LRRFIP1: variants seen among roughly 807,000 people sequenced by gnomAD.
LRRFIP1 encodes the protein LRR binding FLII interacting protein 1.
Under a neutral mutation model 104.4 loss-of-function variants are expected in LRRFIP1, and 62 were observed. The observed-to-expected ratio is 0.59, with a 90% confidence interval of 0.48 to 0.73. The LOEUF is 0.73. LRRFIP1 is among the 30% of genes least tolerant of loss of function. LRRFIP1 has a pLI of 0.00. For synonymous variants in LRRFIP1, 300 were observed against 299.0 expected, an observed-to-expected ratio of 1.00 and a Z score of -0.03; for missense variants, 796 against 824.5, an observed-to-expected ratio of 0.97 and a Z score of 0.42.
chr2:237,660,164 G>A (rs2087611788), intron 1 of LRRFIP1, among the ~76,000 whole-genome samples: 1 of 152,118 alleles, frequency 6.6e-6, no homozygotes, highest in South Asian at 2.1e-4. Context: ...TTATTAAGAA[G>A]GCCAATGATA....
Position 237,727,951 on chromosome 2 carries a change from T to G in LRRFIP1, c.444+16T>G. 1 of 1,584,116 alleles carries G rather than the reference T, an allele frequency of 6.3e-7. No individual in the cohort carries two copies. The highest frequency in any genetic ancestry group is 8.6e-7 in the Non-Finnish European group (1 of 1,163,454). ...ATCTGGCAGGGTTAGTATAGTAAAT[T>G]TGCATGGCTCAAAATTCAAATAGGT... On this transcript the variant is annotated intron_variant, in intron 8 of 23. Coordinates refer to ENST00000308482, the MANE Select transcript of LRRFIP1 (RefSeq NM_001137550.2).
chr2:237,732,305 T>C (rs1229480617), intron 8 of LRRFIP1, among the ~76,000 whole-genome samples: 1 of 152,228 alleles, frequency 6.6e-6, no homozygotes, highest in Non-Finnish European at 1.5e-5. Flanking sequence ...CTCTCTCCTC[T>C]CTGCTGCCCA....
rs138821445 is a variant in LRRFIP1, at chr2:237,689,214, A to G, written c.97-19330A>G. Among the ~76,000 whole-genome samples the G allele has an allele frequency of 7.3e-4, 111 of 152,326 alleles. 2 individuals are homozygous for G. The East Asian group carries it at 0.02, about 27-fold the overall frequency. On this transcript the variant is annotated intron_variant, in intron 1 of 23. Transcript: ENST00000308482. ...ACTGCAATTACTTTTGCACCATCCTAATAAAACTGGGAGGCAACTGTGGAT... is the reference window on the plus strand; with the variant it reads ...ACTGCAATTACTTTTGCACCATCCTGATAAAACTGGGAGGCAACTGTGGAT...
At chr2:237,701,905 G>A (rs1017649679) in intron 1 of LRRFIP1, among the ~76,000 whole-genome samples, 25 of 152,208 alleles carry the variant, frequency 1.6e-4, no homozygotes, top group African/African-American at 6.0e-4. Flanking sequence ...CTCCCGAGAT[G>A]TCACGCATGG....
At chr2:237,738,781 C>T (rs1186272065) in intron 10 of LRRFIP1, among the ~76,000 whole-genome samples, 1 of 152,232 alleles carries the variant, frequency 6.6e-6, no homozygotes, top group Non-Finnish European at 1.5e-5. Flanking sequence ...CCCTAACTCT[C>T]ATTTTGCTTC....
At chr2:237,676,171 G>C (rs886590694) in intron 1 of LRRFIP1, among the ~76,000 whole-genome samples, 6 of 152,158 alleles carry the variant, frequency 3.9e-5, no homozygotes, top group African/African-American at 1.2e-4. Flanking sequence ...GCTTTCCCCA[G>C]CCCTTGGCAA....
At chr2:237,749,075 C>T (rs1445183636) in intron 12 of LRRFIP1, 124 bp from the exon 13 acceptor site, 2 of 967,108 alleles carry the variant, frequency 2.1e-6, no homozygotes, top group African/African-American at 1.7e-5. Context: ...CCCCGTGATC[C>T]AGTCTCCTCC....
chr2:237,656,552 C>T (rs2086848667), intron 1 of LRRFIP1, among the ~76,000 whole-genome samples: 1 of 152,174 alleles, frequency 6.6e-6, no homozygotes, highest in Admixed American at 6.5e-5. Context: ...TGAGCTCTCT[C>T]AAGAACATGG....
intron 11 of LRRFIP1, among the ~76,000 whole-genome samples, chr2:237,740,445 C>T (rs2150461189): frequency 6.6e-6 from 1 of 152,130 alleles, no homozygotes; most frequent in South Asian, 2.1e-4. Flanking sequence ...AAAACTTCTC[C>T]CAGCCATCGA....
rs373187007 is a variant in LRRFIP1, at chr2:237,677,333, A to G, written c.97-31211A>G. 6.9e-4 allele frequency among the ~76,000 whole-genome samples: 105 copies of G among 152,322 alleles called. 3 individuals are homozygous for G. Among genetic ancestry groups the G allele is most frequent in the African/African-American group, 2.4e-3 (99 of 41,562 alleles). On this transcript the variant is annotated intron_variant, in intron 1 of 23. Transcript: ENST00000308482. ...TGATTTCACTTAGCATGATGTCCTC[A>G]AGGTTTTCTCACATTTTAGCAGATG...
chr2:237,631,024 G>A (rs1388436825), intron 1 of LRRFIP1, among the ~76,000 whole-genome samples: 1 of 152,226 alleles, frequency 6.6e-6, no homozygotes, highest in African/African-American at 2.4e-5. Context: ...CTCAGTGCCT[G>A]TGGCAAAGGG....
At chr2:237,715,017 T>G (rs924206965) in intron 3 of LRRFIP1, among the ~76,000 whole-genome samples, 2 of 152,228 alleles carry the variant, frequency 1.3e-5, no homozygotes, top group Non-Finnish European at 2.9e-5. Flanking sequence ...AAATTTAGTT[T>G]CTAGACAACA....
chr2:237,679,642 C>G (rs1029262407), intron 1 of LRRFIP1, among the ~76,000 whole-genome samples: 1 of 152,132 alleles, frequency 6.6e-6, no homozygotes, highest in Non-Finnish European at 1.5e-5. Context: ...GTGTATCGCT[C>G]TTGTTGCCCA....
chr2:237,768,558 ATGTTT>A (rs2060381288), intron 19 of LRRFIP1: 1 of 152,126 alleles, frequency 6.6e-6, no homozygotes, highest in African/African-American at 2.4e-5. Context: ...AACTGCAAAA[ATGTTT>A]TGTTTCAATG....
chr2:237,701,049 T>G (rs1343983043), intron 1 of LRRFIP1, among the ~76,000 whole-genome samples: 1 of 152,140 alleles, frequency 6.6e-6, no homozygotes, highest in Non-Finnish European at 1.5e-5. Flanking sequence ...GGATCTGTAA[T>G]TCTACACTAG....
At chr2:237,659,105 T>A (rs547685542) in intron 1 of LRRFIP1, among the ~76,000 whole-genome samples, 1 of 152,164 alleles carries the variant, frequency 6.6e-6, no homozygotes. Flanking sequence ...TTATATCTTT[T>A]TTTAATGAGA....
chr2:237,749,204 T>G lies in LRRFIP1; in HGVS notation c.675T>G (p.Ser225=), dbSNP rs2058271452. ...TGATCCTCTCAACGTTCCAGGGGTCTCGTAACATGCCGGGCCTGTCTGCAG... is the reference window on the plus strand; with the variant it reads ...TGATCCTCTCAACGTTCCAGGGGTCGCGTAACATGCCGGGCCTGTCTGCAG... The part of the protein sequence containing the change: ...RPEKDFTEKG[S]RNMPGLSAAT... The change falls in exon 13 of 24, where the codon TCT becomes TCG. Residue 225 remains serine, a synonymous_variant. Coordinates refer to ENST00000308482, the MANE Select transcript of LRRFIP1 (RefSeq NM_001137550.2). 6.2e-7 allele frequency: 1 copy of G among 1,613,126 alleles called. No individual in the cohort carries two copies. Among genetic ancestry groups the G allele is most frequent in the African/African-American group, 1.3e-5 (1 of 74,958 alleles).
At chr2:237,762,743 G>T (rs539528554) in intron 19 of LRRFIP1, 2 of 1,614,224 alleles carry the variant, frequency 1.2e-6, no homozygotes, top group African/African-American at 2.7e-5. Context: ...CCCTGCTGGT[G>T]AGAATACCGA....
chr2:237,648,496 G>T (rs2149372388), intron 1 of LRRFIP1, among the ~76,000 whole-genome samples: 1 of 151,762 alleles, frequency 6.6e-6, no homozygotes, highest in African/African-American at 2.4e-5. Context: ...GGGAGGCCAA[G>T]GTGGGAGGAT....
Sources: allele counts gnomAD v4.1 joint callset (sites outside exome capture counted in the v4.1 genomes callset), GRCh38; gene constraint gnomAD v4.1.1; transcripts MANE v1.5; gene names NCBI Gene and HGNC (gene_info 2026-07-23, HGNC 2026-07-21).